TGFBR2: variants seen among roughly 807,000 people sequenced by gnomAD.
TGFBR2 encodes the protein TGF-beta receptor type-2.
Under a neutral mutation model 49.0 loss-of-function variants are expected in TGFBR2, and 18 were observed. The ratio of observed to expected loss-of-function variants is 0.37; its 90% confidence interval spans 0.25 to 0.54. The LOEUF is 0.54. TGFBR2 is among the 20% of genes least tolerant of loss of function. TGFBR2 has a pLI of 0.85. For synonymous variants in TGFBR2, 282 were observed against 275.9 expected, an observed-to-expected ratio of 1.02 and a Z score of -0.22; for missense variants, 525 against 722.6, an observed-to-expected ratio of 0.73 and a Z score of 3.13.
intron 3 of TGFBR2, among the ~76,000 whole-genome samples, chr3:30,671,071 G>T (rs1386689033): frequency 6.6e-6 from 1 of 152,206 alleles, no homozygotes; most frequent in East Asian, 1.9e-4. Context: ...TTTTTTGAAG[G>T]CAGAAGCTGT....
At chr3:30,656,305 A>G (rs1437432317) in intron 3 of TGFBR2, among the ~76,000 whole-genome samples, 1 of 151,934 alleles carries the variant, frequency 6.6e-6, no homozygotes, top group Non-Finnish European at 1.5e-5. Context: ...AATGTGGAGA[A>G]AATCAGACAC....
chr3:30,650,217 T>G, intron 2 of TGFBR2, 53 bp from the exon 3 acceptor site: 1 of 1,564,842 alleles, frequency 6.4e-7, no homozygotes, highest in Admixed American at 1.7e-5. Flanking sequence ...ATTCATTTAT[T>G]CTCTTTCTCT....
At chr3:30,666,005 G>T (rs918972412) in intron 3 of TGFBR2, among the ~76,000 whole-genome samples, 1 of 152,118 alleles carries the variant, frequency 6.6e-6, no homozygotes, top group Admixed American at 6.5e-5. Flanking sequence ...AATGGTGAGC[G>T]TAAGTCACAT....
rs78965278 is a variant in TGFBR2, at chr3:30,617,698, G to A, written c.94+10721G>A. Among the ~76,000 whole-genome samples, 461 of 152,160 alleles carry A rather than the reference G, an allele frequency of 3.0e-3. 2 individuals are homozygous for A. Among genetic ancestry groups the A allele is most frequent in the Non-Finnish European group, 4.3e-3 (291 of 68,000 alleles). The stretch of plus-strand genomic sequence containing the variant: ...GCTTGAGCTCCAGCATTCTGACCCC[G>A]AAAATGATGGTTTCCTATCATCTTC... On this transcript the variant is annotated intron_variant, in intron 1 of 6. Transcript: ENST00000295754.
intron 5 of TGFBR2, among the ~76,000 whole-genome samples, chr3:30,677,803 G>A (rs1699466229): frequency 6.6e-6 from 1 of 152,160 alleles, no homozygotes; most frequent in South Asian, 2.1e-4. Flanking sequence ...ACCTCAAGAA[G>A]CTTGTAGTCT....
chr3:30,662,400 A>G (rs571497604), intron 3 of TGFBR2, among the ~76,000 whole-genome samples: 26 of 152,332 alleles, frequency 1.7e-4, no homozygotes, highest in Admixed American at 1.5e-3. Flanking sequence ...TAAGAAGGAA[A>G]TAATACAAAG....
rs1335113103 is a variant in TGFBR2, at chr3:30,672,149, G to T, written c.966G>T (p.Trp322Cys). The T allele has an allele frequency of 1.2e-6, 2 of 1,614,150 alleles. No individual in the cohort carries two copies. The highest frequency in any genetic ancestry group is 1.7e-6 in the Non-Finnish European group (2 of 1,180,014). Residue 322 changes from tryptophan (W) to cysteine (C), a missense_variant, in exon 4 of 7, where the codon TGG (tryptophan) becomes TGT (cysteine). Trp to Cys is a radical substitution (Grantham distance 215). Coordinates refer to ENST00000295754, the MANE Select transcript of TGFBR2 (RefSeq NM_003242.6). This position sits in a 1 kb window ranked among gnomAD's most constrained non-coding sequence, Gnocchi z 4.5. ...AGACGGAGTTGGGGAAACAATACTG[G>T]CTGATCACCGCCTTCCACGCCAAGG... ...ERKTELGKQYWLITAFHAKGN... is the reference protein window; with the variant it reads ...ERKTELGKQYCLITAFHAKGN...
intron 3 of TGFBR2, among the ~76,000 whole-genome samples, chr3:30,656,966 C>T (rs578161788): frequency 6.6e-6 from 1 of 152,166 alleles, no homozygotes; most frequent in Non-Finnish European, 1.5e-5. Context: ...TAACTACTTT[C>T]AGGTGTGTTG....
chr3:30,674,313 C>T (rs1699395637), intron 5 of TGFBR2, 67 bp downstream of exon 5: 5 of 1,591,192 alleles, frequency 3.1e-6, no homozygotes, highest in African/African-American at 1.3e-5. Context: ...TGTGTTGCTT[C>T]GAGCATTATT....
At chr3:30,624,952 A>T (rs1698304134) in intron 1 of TGFBR2, among the ~76,000 whole-genome samples, 1 of 152,146 alleles carries the variant, frequency 6.6e-6, no homozygotes, top group African/African-American at 2.4e-5. Flanking sequence ...TTAAACAATG[A>T]CTGGGTTCAT....
At chr3:30,674,865 C>T (rs1022760365) in intron 5 of TGFBR2, among the ~76,000 whole-genome samples, 2 of 152,072 alleles carry the variant, frequency 1.3e-5, no homozygotes, top group East Asian at 3.9e-4. Context: ...CAAGTTCAGC[C>T]ACCTACTGTT....
intron 3 of TGFBR2, among the ~76,000 whole-genome samples, chr3:30,662,952 T>TGC (rs1699161338): frequency 6.6e-6 from 1 of 152,210 alleles, no homozygotes. Context: ...AACTTTTAAA[T>TGC]GTAGATTCTG....
chr3:30,674,058 G>A (rs1330467375), intron 4 of TGFBR2, 47 bp from the exon 5 acceptor site: 18 of 1,613,682 alleles, frequency 1.1e-5, no homozygotes, highest in East Asian at 8.9e-5. Context: ...AAAATAAAAA[G>A]GCAGCTGGAA....
intron 3 of TGFBR2, among the ~76,000 whole-genome samples, chr3:30,653,379 G>A (rs541594786): frequency 2.7e-5 from 4 of 150,284 alleles, no homozygotes; most frequent in Non-Finnish European, 4.4e-5. Context: ...AGCCTCTCAA[G>A]TAGCTGGGAT....
chr3:30,638,875 T>C (rs1698591376), intron 1 of TGFBR2, among the ~76,000 whole-genome samples: 1 of 152,210 alleles, frequency 6.6e-6, no homozygotes, highest in South Asian at 2.1e-4. Context: ...GAGCTGCTGT[T>C]GCTAGCATCA....
chr3:30,661,711 A>G (rs1699135887), intron 3 of TGFBR2: 5 of 399,952 alleles, frequency 1.3e-5, no homozygotes, highest in Middle Eastern at 3.6e-4. Context: ...AGAACAAACC[A>G]TCAGGAGCCT....
chr3:30,675,467 A>G (rs1374076573), intron 5 of TGFBR2, among the ~76,000 whole-genome samples: 3 of 151,258 alleles, frequency 2.0e-5, no homozygotes, highest in Non-Finnish European at 4.4e-5. Context: ...GCTGACTGCA[A>G]CCTCTGCCTC....
chr3:30,686,186 G>A (rs1034880404), intron 5 of TGFBR2, among the ~76,000 whole-genome samples: 1 of 152,200 alleles, frequency 6.6e-6, no homozygotes, highest in East Asian at 1.9e-4. Context: ...TTCTTACTAC[G>A]TATAAGGCAC....
intron 6 of TGFBR2, among the ~76,000 whole-genome samples, chr3:30,689,143 T>G (rs1699671118): frequency 6.6e-6 from 1 of 152,182 alleles, no homozygotes; most frequent in Non-Finnish European, 1.5e-5. Context: ...TGGCCTCTTA[T>G]TTTTCCTTGT....
Sources: allele counts gnomAD v4.1 joint callset (sites outside exome capture counted in the v4.1 genomes callset), GRCh38; gene constraint gnomAD v4.1.1; non-coding constraint Gnocchi (gnomAD v3.1); transcripts MANE v1.5; gene names NCBI Gene and HGNC (gene_info 2026-07-23, HGNC 2026-07-21).